The following FARS2 variants were observed in gnomAD, a reference collection of about 807,000 sequenced individuals.
The protein encoded by FARS2 is phenylalanyl-tRNA synthetase 2, mitochondrial.
FARS2 carries 40 observed loss-of-function variants against 46.4 expected under a neutral mutation model. The observed-to-expected ratio is 0.86, with a 90% CI of 0.67 to 1.12. The LOEUF is 1.12. Ranked by LOEUF, FARS2 falls within the 50% of genes most tolerant of loss-of-function variation. The pLI is 0.00. For synonymous variants in FARS2, 234 were observed against 214.9 expected, an observed-to-expected ratio of 1.09 and a Z score of -0.78; for missense variants, 513 against 567.9, an observed-to-expected ratio of 0.90 and a Z score of 0.98.
Position 5,715,567 on chromosome 6 carries a change from C to A in FARS2, c.1218-55724C>A, listed in dbSNP as rs1215511345. Among the ~76,000 whole-genome samples the A allele has an allele frequency of 2.0e-5, 3 of 152,138 alleles. No individual in the cohort carries two copies. In the East Asian group the frequency reaches 5.8e-4, roughly 29 times the overall value. ...TTCTGGACATTTGTATATAAGGAAT[C>A]ATATAATATGTGGTCTCTTGTGTCT... On this transcript the variant is annotated intron_variant, in intron 6 of 6. Coordinates refer to ENST00000274680, the MANE Select transcript of FARS2 (RefSeq NM_006567.5).
At chr6:5,498,670 C>T (rs1464326339) in intron 4 of FARS2, among the ~76,000 whole-genome samples, 1 of 152,072 alleles carries the variant, frequency 6.6e-6, no homozygotes, top group Admixed American at 6.5e-5. Flanking sequence ...TCACCTATGA[C>T]TAACTCCTCT....
chr6:5,333,177 T>G (rs1198936647), intron 1 of FARS2, among the ~76,000 whole-genome samples: 2 of 149,556 alleles, frequency 1.3e-5, no homozygotes, highest in South Asian at 2.1e-4. Context: ...TTGGGAACAG[T>G]CAATAATTAA....
chr6:5,369,070 G>A lies in FARS2; in HGVS notation c.500G>A (p.Gly167Glu), dbSNP rs1468335591. ...CACCAGTGGGACTTGCTGCACGCGG[G>A]ACTGGATGCCTTCCTGGTGGTGGGT... ...SAHQWDLLHA[G>E]LDAFLVVGDV... Residue 167 changes from glycine (G) to glutamate (E), a missense_variant, in exon 2 of 7, where the codon GGA becomes GAA. Physicochemically the swap from Gly to Glu is moderately conservative, Grantham distance 98. Transcript: ENST00000274680. 6.2e-7 allele frequency: 1 copy of A among 1,613,934 alleles called. No individual in the cohort carries two copies. The highest frequency in any genetic ancestry group is 8.5e-7 in the Non-Finnish European group (1 of 1,180,012).
At chr6:5,512,094 C>G (rs1049389193) in intron 4 of FARS2, among the ~76,000 whole-genome samples, 1 of 152,144 alleles carries the variant, frequency 6.6e-6, no homozygotes, top group Non-Finnish European at 1.5e-5. Flanking sequence ...AATGCAACCA[C>G]AAGAGATGAT....
At chr6:5,250,752 A>G in the FARS2 span, among the ~76,000 whole-genome samples, 1 of 152,220 alleles carries the variant, frequency 6.6e-6, no homozygotes, top group African/African-American at 2.4e-5. Flanking sequence ...AACAACTTAG[A>G]AAATTTTACA....
At chr6:5,412,599 C>CTTTTCATA (rs1761998122) in intron 3 of FARS2, among the ~76,000 whole-genome samples, 1 of 152,182 alleles carries the variant, frequency 6.6e-6, no homozygotes, top group Non-Finnish European at 1.5e-5. Context: ...TCTTCCATAC[C>CTTTTCATA]TTTTCATATT....
intron 5 of FARS2, among the ~76,000 whole-genome samples, chr6:5,599,700 A>AT (rs753298036): frequency 6.6e-6 from 1 of 152,214 alleles, no homozygotes; most frequent in Non-Finnish European, 1.5e-5. Context: ...ATTTTAGAAC[A>AT]TTTTCATCAC....
At position 5,727,990 on chromosome 6, in the gene FARS2, G is replaced by A. The variant is rs568752454; in HGVS notation, c.1218-43301G>A. Reference sequence around the variant, plus strand: ...CCCTGGGAGCTTCGCTTACCACCGTGGGCACTTAATGGATGCTAAATAATT... The same window carrying A: ...CCCTGGGAGCTTCGCTTACCACCGTAGGCACTTAATGGATGCTAAATAATT... On this transcript the variant is annotated intron_variant, in intron 6 of 6. Transcript: ENST00000274680. This position sits in a 1 kb window ranked among gnomAD's most constrained non-coding sequence, Gnocchi z 4.1. Among the ~76,000 whole-genome samples the A allele has an allele frequency of 6.6e-6, 1 of 152,298 alleles. No homozygotes were observed. The highest frequency in any genetic ancestry group is 1.9e-4 in the East Asian group (1 of 5,186).
intron 4 of FARS2, among the ~76,000 whole-genome samples, chr6:5,487,948 T>G (rs902259452): frequency 2.6e-5 from 4 of 152,164 alleles, no homozygotes; most frequent in African/African-American, 9.7e-5. Context: ...TTATCCTGTG[T>G]TGTAGGGGCA....
At chr6:5,441,974 C>T (rs1763867650) in intron 4 of FARS2, among the ~76,000 whole-genome samples, 1 of 152,088 alleles carries the variant, frequency 6.6e-6, no homozygotes, top group African/African-American at 2.4e-5. Flanking sequence ...TGGTGGTGCA[C>T]CTGTAGTCCT....
chr6:5,707,446 G>T (rs1216273547), intron 6 of FARS2, among the ~76,000 whole-genome samples: 3 of 152,194 alleles, frequency 2.0e-5, no homozygotes, highest in Admixed American at 6.5e-5. Flanking sequence ...GTTGCAACTG[G>T]ATCAGAGATA....
At chr6:5,250,693 A>G in the FARS2 span, among the ~76,000 whole-genome samples, 1 of 150,862 alleles carries the variant, frequency 6.6e-6, no homozygotes, top group Non-Finnish European at 1.5e-5. Flanking sequence ...CAGGCTCTAT[A>G]TGAAATCCAG....
the FARS2 span, among the ~76,000 whole-genome samples, chr6:5,250,725 G>A: frequency 6.8e-5 from 6 of 88,126 alleles, no homozygotes; most frequent in Admixed American, 4.7e-4. Flanking sequence ...CAGAACAAAC[G>A]TAAGAACTGA....
intron 6 of FARS2, among the ~76,000 whole-genome samples, chr6:5,719,424 A>AG: frequency 1.6e-5 from 1 of 60,736 alleles, no homozygotes; most frequent in Non-Finnish European, 3.5e-5. Context: ...AAGAAGAAAG[A>AG]AAAAGAAAGG....
chr6:5,447,810 C>T (rs144500038), intron 4 of FARS2, among the ~76,000 whole-genome samples: 222 of 152,312 alleles, frequency 1.5e-3, no homozygotes, highest in African/African-American at 4.9e-3. Flanking sequence ...GAACAAGGCA[C>T]AACTGCCCTT....
chr6:5,678,530 T>A (rs969450672), intron 6 of FARS2, among the ~76,000 whole-genome samples: 2 of 152,236 alleles, frequency 1.3e-5, no homozygotes, highest in Non-Finnish European at 2.9e-5. Flanking sequence ...TTGTCAGTGC[T>A]GCGCCCTCAA....
rs527252184 is a variant in FARS2 at position 5,764,211 on chromosome 6, T to C, written c.1218-7080T>C. Reference sequence around the variant, plus strand: ...GGAGTTATTGAGGCGAGAAGGGTGATGTAAGCTGCCCAGAGTCGCACAGCT... The same window carrying C: ...GGAGTTATTGAGGCGAGAAGGGTGACGTAAGCTGCCCAGAGTCGCACAGCT... On this transcript the variant is annotated intron_variant, in intron 6 of 6. Coordinates refer to ENST00000274680, the MANE Select transcript of FARS2 (RefSeq NM_006567.5). This position sits in a 1 kb window ranked among gnomAD's most constrained non-coding sequence, Gnocchi z 4.1. 6.6e-6 allele frequency among the ~76,000 whole-genome samples: 1 copy of C among 152,190 alleles called. No homozygotes were observed. The highest frequency in any genetic ancestry group is 1.9e-4 in the East Asian group (1 of 5,162).
At chr6:5,679,314 G>T (rs1168283546) in intron 6 of FARS2, among the ~76,000 whole-genome samples, 3 of 152,106 alleles carry the variant, frequency 2.0e-5, no homozygotes, top group Admixed American at 1.3e-4. Context: ...CCAGCCTCTG[G>T]AACATAATTG....
At chr6:5,365,204 A>T (rs935488114) in intron 1 of FARS2, among the ~76,000 whole-genome samples, 2 of 151,948 alleles carry the variant, frequency 1.3e-5, no homozygotes, top group Non-Finnish European at 2.9e-5. Flanking sequence ...TTATGTATTT[A>T]AAAACACATT....
Sources: allele counts gnomAD v4.1 joint callset (sites outside exome capture counted in the v4.1 genomes callset), GRCh38; gene constraint gnomAD v4.1.1; non-coding constraint Gnocchi (gnomAD v3.1); transcripts MANE v1.5; gene names NCBI Gene and HGNC (gene_info 2026-07-23, HGNC 2026-07-21).